TFB1M: variants seen among roughly 807,000 people sequenced by gnomAD.
TFB1M encodes dimethyladenosine transferase 1, mitochondrial.
TFB1M carries 27 observed loss-of-function variants against 31.1 expected under a neutral mutation model. That is an observed-to-expected ratio of 0.87 (90% CI 0.64 to 1.20). TFB1M has a LOEUF of 1.20. TFB1M is among the 50% of genes most tolerant of loss of function. The pLI is 0.00. For missense variants in TFB1M, 394 were observed against 418.7 expected, an observed-to-expected ratio of 0.94 and a Z score of 0.51; for synonymous variants, 166 against 151.8, an observed-to-expected ratio of 1.09 and a Z score of -0.69.
At position 155,311,208 on chromosome 6, in the gene TFB1M, G is replaced by A. The variant is rs751150328; in HGVS notation, c.265C>T (p.Arg89Ter). 4.3e-6 allele frequency: 7 copies of A among 1,613,930 alleles called. No homozygotes were observed. Among genetic ancestry groups the A allele is most frequent in the African/African-American group, 1.3e-5 (1 of 74,918 alleles). ...CTCACCTGTAATCCAGGAATAAATC[G>A]AGTGTCCTTTTCAACCACCAGAAGT... Reference protein sequence around the residue: ...AELLVVEKDTRFIPGLQMLSD... With the variant: ...AELLVVEKDT Residue 89 changes from arginine (R) to a stop codon, truncating the protein, a stop_gained, in exon 2 of 7, where the codon CGA (arginine) becomes TGA (stop). Transcript: ENST00000367166. LOFTEE classifies it high-confidence loss of function.
chr6:155,276,948 A>G (rs1003012097), intron 5 of TFB1M, among the ~76,000 whole-genome samples: 1 of 152,254 alleles, frequency 6.6e-6, no homozygotes, highest in African/African-American at 2.4e-5. Flanking sequence ...AACTATCTAC[A>G]TATATTTGTA....
chr6:155,247,281 T>C, the TFB1M span, among the ~76,000 whole-genome samples: 3 of 152,282 alleles, frequency 2.0e-5, no homozygotes, highest in South Asian at 2.1e-4. Flanking sequence ...CTTTATGAAA[T>C]TTTTGTGGGT....
chr6:155,289,302 G>C (rs953493045), intron 4 of TFB1M, among the ~76,000 whole-genome samples: 1 of 152,168 alleles, frequency 6.6e-6, no homozygotes, highest in African/African-American at 2.4e-5. Flanking sequence ...AGGGCCAGCA[G>C]CATCGAGAAC....
chr6:155,253,117 A>G, downstream of TFB1M: 1 of 1,381,348 alleles, frequency 7.2e-7, no homozygotes, highest in Non-Finnish European at 1.0e-6. Flanking sequence ...GTGGAATGTA[A>G]ATTAAGAAAG....
At chr6:155,293,255 AT>A (rs36028979) in intron 4 of TFB1M, among the ~76,000 whole-genome samples, 9 of 152,042 alleles carry the variant, frequency 5.9e-5, no homozygotes, top group African/African-American at 1.9e-4. Context: ...TTTAGAGATA[AT>A]TTTTTTTCAT....
At chr6:155,306,707 G>A (rs1031890846) in intron 2 of TFB1M, among the ~76,000 whole-genome samples, 2 of 152,188 alleles carry the variant, frequency 1.3e-5, no homozygotes, top group South Asian at 4.1e-4. Flanking sequence ...ATTAGTGGTT[G>A]TCTGAGATAG....
chr6:155,247,838 C>T, the TFB1M span, among the ~76,000 whole-genome samples: 28 of 152,324 alleles, frequency 1.8e-4, no homozygotes, highest in Admixed American at 1.2e-3. Flanking sequence ...GAATCCCACG[C>T]TGACAGCTGG....
intron 4 of TFB1M, among the ~76,000 whole-genome samples, chr6:155,288,808 T>C (rs1776779229): frequency 6.6e-6 from 1 of 152,214 alleles, no homozygotes; most frequent in Admixed American, 6.5e-5. Flanking sequence ...ACAAAAGATT[T>C]CATTCAAAGC....
Position 155,257,187 on chromosome 6 carries a change from TTGC to T in TFB1M, c.*646_*648del. The T allele has an allele frequency of 9.7e-7, 1 of 1,036,028 alleles. No homozygotes were observed. Among genetic ancestry groups the T allele is most frequent in the Non-Finnish European group, 1.3e-6 (1 of 781,690 alleles). 64.2% of individuals were successfully genotyped at this position (1,036,028 alleles called of 1,614,324 possible). ...TTTTAAACTGGTGGTAAAGTGGAAA[TTGC>T]AAAAAAAAAAAAAAAAAAAAACTGT... On this transcript the variant is annotated 3_prime_UTR_variant, in exon 7 of 7. Transcript: ENST00000367166.
chr6:155,307,416 G>A (rs1316126189), intron 2 of TFB1M, among the ~76,000 whole-genome samples: 4 of 152,052 alleles, frequency 2.6e-5, no homozygotes, highest in Non-Finnish European at 5.9e-5. Flanking sequence ...TACGTGGATG[G>A]CAACAGGCAA....
downstream of TFB1M, chr6:155,254,635 T>G (rs1743956936): frequency 1.9e-6 from 3 of 1,573,346 alleles, 1 homozygote; most frequent in Admixed American, 3.4e-5. Flanking sequence ...GAAAAGGATA[T>G]ATGCTCTTGT....
intron 4 of TFB1M, among the ~76,000 whole-genome samples, chr6:155,287,103 T>C (rs553379528): frequency 4.6e-5 from 7 of 151,824 alleles, no homozygotes; most frequent in Non-Finnish European, 8.8e-5. Context: ...TTCATACACA[T>C]GAAATGAACA....
chr6:155,276,508 A>T, intron 5 of TFB1M: 1 of 806,582 alleles, frequency 1.2e-6, no homozygotes, highest in Non-Finnish European at 2.0e-6. Flanking sequence ...TAACAACTAC[A>T]AAGTAGTTTA....
At chr6:155,250,452 T>G in the TFB1M span, 1 of 1,123,462 alleles carries the variant, frequency 8.9e-7, no homozygotes, top group Non-Finnish European at 1.3e-6. Flanking sequence ...AGTAGCATAG[T>G]TTAGGGAGAA....
intron 5 of TFB1M, among the ~76,000 whole-genome samples, chr6:155,284,897 G>A (rs1408000354): frequency 1.3e-5 from 2 of 152,228 alleles, no homozygotes; most frequent in African/African-American, 4.8e-5. Flanking sequence ...GTAACATCAT[G>A]AAGATGAAGA....
At chr6:155,275,958 C>A in intron 5 of TFB1M, 3 of 1,614,156 alleles carry the variant, frequency 1.9e-6, no homozygotes, top group Non-Finnish European at 2.5e-6. Context: ...GTGCAGGCTG[C>A]GAGAGCCACC....
chr6:155,311,416 C>T (rs2114820463), intron 1 of TFB1M, 77 bp from the exon 2 acceptor site: 1 of 1,311,934 alleles, frequency 7.6e-7, no homozygotes, highest in East Asian at 2.4e-5. Context: ...GAAAAATCTT[C>T]TATAAAAATT....
chr6:155,233,691 C>T, the TFB1M span, among the ~76,000 whole-genome samples: 6 of 152,074 alleles, frequency 3.9e-5, no homozygotes, highest in Admixed American at 6.5e-5. Flanking sequence ...ACTAAAGGCC[C>T]GGCATGGTGG....
chr6:155,264,931 G>A (rs990628673), intron 5 of TFB1M, among the ~76,000 whole-genome samples: 24 of 152,174 alleles, frequency 1.6e-4, no homozygotes, highest in African/African-American at 4.1e-4. Context: ...GGAGATGCAC[G>A]TGTAATCCTC....
Sources: gnomAD v4.1 joint callset for allele counts (sites outside exome capture counted in the v4.1 genomes callset) on GRCh38, gnomAD v4.1.1 for gene constraint, MANE v1.5 for transcripts, NCBI Gene and HGNC (gene_info 2026-07-23, HGNC 2026-07-21) for gene names.